ANKS1B: variants seen among roughly 807,000 people sequenced by gnomAD.
ANKS1B encodes the protein ankyrin repeat and sterile alpha motif domain containing 1B.
A neutral mutation model predicts 148.3 loss-of-function variants in ANKS1B; 36 were observed. The observed-to-expected ratio is 0.24, with a 90% confidence interval of 0.19 to 0.32. ANKS1B has a LOEUF of 0.32. Among genes scored for constraint, ANKS1B ranks in the 10% least tolerant of loss-of-function variants. ANKS1B has a pLI of 1.00. For synonymous variants in ANKS1B, 542 were observed against 560.8 expected (o/e 0.97, Z 0.47); for missense variants, 1,157 against 1,542.6 (o/e 0.75, Z 4.19).
chr12:98,781,171 A>G lies in ANKS1B; in HGVS notation c.3387T>C (p.Thr1129=). The change falls in exon 24 of 27, where the codon ACT becomes ACC. Residue 1129 remains threonine (T), a synonymous_variant. Coordinates refer to ENST00000683438, the MANE Select transcript of ANKS1B (RefSeq NM_001352186.2). The stretch of plus-strand genomic sequence containing the variant: ...CTTTATATGAGACAGAAAGAATAAT[A>G]GTAGGGACCTTCTTCATTTGCTCTG... ...KSTEQMKKVP[T]IILSVSYKGV... 1 of 1,587,090 alleles carries G rather than the reference A, an allele frequency of 6.3e-7. No individual in the cohort carries two copies. Among genetic ancestry groups the G allele is most frequent in the Non-Finnish European group, 8.6e-7 (1 of 1,164,834 alleles).
chr12:98,866,534 C>T (rs2099625385), intron 17 of ANKS1B, among the ~76,000 whole-genome samples: 2 of 152,218 alleles, frequency 1.3e-5, no homozygotes, highest in Admixed American at 6.5e-5. Flanking sequence ...CAGCCCACTG[C>T]TGCAATATCA....
intron 12 of ANKS1B, among the ~76,000 whole-genome samples, chr12:99,398,149 T>C (rs1315305270): frequency 6.6e-6 from 1 of 152,142 alleles, no homozygotes; most frequent in Non-Finnish European, 1.5e-5. Flanking sequence ...ATGCTTTGAT[T>C]TACATTTTAT....
At chr12:99,413,718 C>A (rs2175524) in intron 11 of ANKS1B, among the ~76,000 whole-genome samples, 1 of 152,022 alleles carries the variant, frequency 6.6e-6, no homozygotes, top group African/African-American at 2.4e-5. Flanking sequence ...AAATAATATG[C>A]ATACTCATCT....
Position 99,860,605 on chromosome 12 carries a change from T to C in ANKS1B, c.135-35216A>G, listed in dbSNP as rs1257605917. Among the ~76,000 whole-genome samples the C allele has an allele frequency of 4.6e-5, 7 of 152,216 alleles. No individual in the cohort carries two copies. In the East Asian group the frequency reaches 1.3e-3, roughly 29 times the overall value. ...CAAAGTGTGTGAGACTAGAGATTAG[T>C]ACTGCAACAGTTAGGTGCATCCCTA... On this transcript the variant is annotated intron_variant, in intron 1 of 26. Coordinates refer to ENST00000683438, the MANE Select transcript of ANKS1B (RefSeq NM_001352186.2).
intron 14 of ANKS1B, among the ~76,000 whole-genome samples, chr12:99,188,313 G>A (rs979769308): frequency 2.6e-5 from 4 of 151,962 alleles, no homozygotes; most frequent in Non-Finnish European, 5.9e-5. Context: ...AAGGATATTC[G>A]GGACTTGCAC....
At chr12:99,216,850 G>A (rs188693257) in intron 14 of ANKS1B, among the ~76,000 whole-genome samples, 4 of 152,212 alleles carry the variant, frequency 2.6e-5, no homozygotes, top group Admixed American at 6.5e-5. Flanking sequence ...GCAGCTTGGC[G>A]TGGCCGTGTG....
At chr12:99,609,357 A>T (rs958322245) in intron 9 of ANKS1B, among the ~76,000 whole-genome samples, 7 of 151,998 alleles carry the variant, frequency 4.6e-5, no homozygotes, top group African/African-American at 1.7e-4. Context: ...AACCAAAACC[A>T]GTAAGTCTTT....
At chr12:99,522,245 T>C (rs1005135839) in intron 9 of ANKS1B, among the ~76,000 whole-genome samples, 7 of 152,166 alleles carry the variant, frequency 4.6e-5, no homozygotes, top group South Asian at 2.1e-4. Flanking sequence ...TTCCAAGAGA[T>C]TGATGTCCAG....
intron 14 of ANKS1B, among the ~76,000 whole-genome samples, chr12:99,168,261 A>T (rs2153834898): frequency 6.6e-6 from 1 of 152,342 alleles, no homozygotes; most frequent in Admixed American, 6.5e-5. Context: ...TCACGCCTAT[A>T]ATCCCAGCAC....
intron 1 of ANKS1B, among the ~76,000 whole-genome samples, chr12:99,982,250 C>G (rs2095713138): frequency 6.6e-6 from 1 of 151,692 alleles, no homozygotes; most frequent in Non-Finnish European, 1.5e-5. Context: ...AAGATATACA[C>G]TGTGGGTCAC....
At chr12:99,091,803 C>G (rs1488645276) in intron 15 of ANKS1B, among the ~76,000 whole-genome samples, 5 of 140,802 alleles carry the variant, frequency 3.6e-5, no homozygotes. Flanking sequence ...CACAATAACT[C>G]CTATGAGGTA....
chr12:99,169,320 C>T (rs1436161173), intron 14 of ANKS1B, among the ~76,000 whole-genome samples: 1 of 152,126 alleles, frequency 6.6e-6, no homozygotes, highest in Admixed American at 6.5e-5. Context: ...CTTGGTAAAA[C>T]TCTGATGAAA....
intron 14 of ANKS1B, among the ~76,000 whole-genome samples, chr12:99,224,219 C>A (rs1468963799): frequency 1.3e-5 from 2 of 152,164 alleles, no homozygotes; most frequent in Non-Finnish European, 2.9e-5. Flanking sequence ...AATACACTGA[C>A]CTCTAATTTA....
chr12:99,002,403 AC>A (rs1308889124), intron 17 of ANKS1B, among the ~76,000 whole-genome samples: 2 of 152,202 alleles, frequency 1.3e-5, no homozygotes, highest in African/African-American at 4.8e-5. Flanking sequence ...TTTACAGCGT[AC>A]AACATGGTGT....
At chr12:99,335,978 G>C (rs539551654) in intron 12 of ANKS1B, among the ~76,000 whole-genome samples, 2 of 151,978 alleles carry the variant, frequency 1.3e-5, no homozygotes, top group East Asian at 1.9e-4. Flanking sequence ...ACATTCCCAC[G>C]AACAGTGTAC....
intron 12 of ANKS1B, among the ~76,000 whole-genome samples, chr12:99,269,526 C>A (rs961316950): frequency 1.3e-5 from 2 of 150,152 alleles, no homozygotes; most frequent in Non-Finnish European, 3.0e-5. Context: ...TTTGGTCACA[C>A]GTTTTCATGT....
intron 12 of ANKS1B, among the ~76,000 whole-genome samples, chr12:99,337,778 G>T (rs112911914): frequency 2.0e-5 from 3 of 152,190 alleles, no homozygotes; most frequent in Non-Finnish European, 4.4e-5. Context: ...CAGCCTTGGT[G>T]GACCTGAGAG....
intron 14 of ANKS1B, among the ~76,000 whole-genome samples, chr12:99,222,548 G>A (rs1035806365): frequency 6.6e-6 from 1 of 152,156 alleles, no homozygotes; most frequent in Non-Finnish European, 1.5e-5. Context: ...CTGGGGAGGT[G>A]GAGGTTGCAG....
intron 8 of ANKS1B, among the ~76,000 whole-genome samples, chr12:99,721,706 G>C (rs139379457): frequency 1.9e-3 from 297 of 152,338 alleles, no homozygotes; most frequent in African/African-American, 6.9e-3. Flanking sequence ...CACAAAGCCT[G>C]TTTGGTGGTC....
Sources: allele counts gnomAD v4.1 joint callset (sites outside exome capture counted in the v4.1 genomes callset), GRCh38; gene constraint gnomAD v4.1.1; transcripts MANE v1.5; gene names NCBI Gene and HGNC (gene_info 2026-07-23, HGNC 2026-07-21).